WDR7: variants seen among roughly 807,000 people sequenced by gnomAD.
WDR7 encodes the protein WD repeat domain 7.
A neutral mutation model predicts 169.4 loss-of-function variants in WDR7; 46 were observed. The observed-to-expected ratio is 0.27, with a 90% confidence interval of 0.21 to 0.35. The LOEUF (loss-of-function observed/expected upper bound fraction) is 0.35, where lower values mean the gene tolerates loss of function less well. WDR7 is among the 10% of genes least tolerant of loss of function. WDR7 has a pLI of 1.00. For missense variants in WDR7, 1,534 were observed against 1,859.3 expected (o/e 0.83, Z 3.22); for synonymous variants, 612 against 666.8 (o/e 0.92, Z 1.27).
At chr18:56,713,467 G>T (rs909130186) in intron 12 of WDR7, among the ~76,000 whole-genome samples, 1 of 151,900 alleles carries the variant, frequency 6.6e-6, no homozygotes, top group Non-Finnish European at 1.5e-5. Context: ...ACAACTATTG[G>T]GAACACATTT....
chr18:56,873,649 T>C (rs1343330824), intron 20 of WDR7: 2 of 152,354 alleles, frequency 1.3e-5, no homozygotes, highest in Non-Finnish European at 2.9e-5. Context: ...TATTGATCAG[T>C]ATCCCTGCAG....
At chr18:57,007,444 G>T (rs1275217102) in intron 26 of WDR7, among the ~76,000 whole-genome samples, 1 of 152,090 alleles carries the variant, frequency 6.6e-6, no homozygotes, top group Admixed American at 6.5e-5. Flanking sequence ...AGAGTGTTTT[G>T]AGTTGGCAAG....
chr18:56,923,810 C>A, intron 21 of WDR7, 112 bp from the exon 22 acceptor site: 2 of 1,078,982 alleles, frequency 1.9e-6, no homozygotes, highest in East Asian at 2.9e-5. Flanking sequence ...GGTTCAATAC[C>A]TTTTTCAGTT....
At chr18:56,854,662 A>G (rs967163981) in intron 20 of WDR7, among the ~76,000 whole-genome samples, 8 of 152,162 alleles carry the variant, frequency 5.3e-5, no homozygotes, top group Non-Finnish European at 8.8e-5. Flanking sequence ...TGGCCTTTCT[A>G]TGTAGCGTTT....
At chr18:56,951,403 C>T (rs2047180761) in intron 25 of WDR7, among the ~76,000 whole-genome samples, 1 of 152,110 alleles carries the variant, frequency 6.6e-6, no homozygotes, top group Non-Finnish European at 1.5e-5. Context: ...ACACCCTCTT[C>T]CTCACCTTTG....
rs114556015 is a variant in WDR7 at position 56,771,125 on chromosome 18, T to C, written c.2849-5657T>C. Reference sequence around the variant, plus strand: ...TTAGGATAGGAATTTGTTTATGAAATGCAGTGTCCAGAAATACCAATACCA... The same window carrying C: ...TTAGGATAGGAATTTGTTTATGAAACGCAGTGTCCAGAAATACCAATACCA... On this transcript the variant is annotated intron_variant, in intron 16 of 27. Coordinates refer to ENST00000254442, the MANE Select transcript of WDR7 (RefSeq NM_015285.3). 1.2e-3 allele frequency among the ~76,000 whole-genome samples: 178 copies of C among 152,308 alleles called. 1 individual carries two copies. The highest frequency in any genetic ancestry group is 4.1e-3 in the African/African-American group (170 of 41,564).
intron 21 of WDR7, among the ~76,000 whole-genome samples, chr18:56,899,663 G>A (rs1016169642): frequency 5.9e-5 from 9 of 152,030 alleles, no homozygotes; most frequent in African/African-American, 2.2e-4. Flanking sequence ...TTAGATCCCA[G>A]TACAACATAC....
rs960184628 is a variant in WDR7 at position 56,931,510 on chromosome 18, C to T, written c.3714-4278C>T. Among the ~76,000 whole-genome samples the T allele has an allele frequency of 2.6e-5, 4 of 152,138 alleles. 1 individual carries two copies. On this transcript the variant is annotated intron_variant, in intron 22 of 27. Transcript: ENST00000254442. The stretch of plus-strand genomic sequence containing the variant: ...CTGAATTTGCCAGCTACTTCACTTA[C>T]TGTGTAACTGTGGAGCTACCACCAT...
intron 19 of WDR7, 62 bp from the exon 20 acceptor site, chr18:56,815,969 C>A (rs1055054800): frequency 7.3e-7 from 1 of 1,366,162 alleles, no homozygotes; most frequent in Non-Finnish European, 9.8e-7. Context: ...AATCTTCAAA[C>A]TTTCTGTTTG....
At chr18:56,809,268 C>A (rs928282804) in intron 19 of WDR7, among the ~76,000 whole-genome samples, 19 of 151,756 alleles carry the variant, frequency 1.3e-4, no homozygotes, top group Admixed American at 9.2e-4. Flanking sequence ...TCCTTATTTC[C>A]TTATTATTCT....
At chr18:56,761,805 T>C (rs1202223415) in intron 16 of WDR7, among the ~76,000 whole-genome samples, 3 of 152,160 alleles carry the variant, frequency 2.0e-5, no homozygotes, top group African/African-American at 7.2e-5. Flanking sequence ...TGTGCCCCAG[T>C]ATAGAAATGC....
intron 13 of WDR7, among the ~76,000 whole-genome samples, chr18:56,724,952 C>T (rs909311761): frequency 2.0e-5 from 3 of 151,984 alleles, no homozygotes; most frequent in Non-Finnish European, 2.9e-5. Context: ...TGGTTTCCAG[C>T]TTCATCCATG....
chr18:56,821,143 G>A (rs1170108196), intron 20 of WDR7, among the ~76,000 whole-genome samples: 1 of 152,092 alleles, frequency 6.6e-6, no homozygotes. Context: ...TCCTTGTGGA[G>A]CTTACATTTT....
At chr18:56,664,610 G>C (rs1275848154) in intron 1 of WDR7, among the ~76,000 whole-genome samples, 1 of 151,056 alleles carries the variant, frequency 6.6e-6, no homozygotes, top group Non-Finnish European at 1.5e-5. Context: ...TACAGCCCTT[G>C]GCACATAGTG....
At chr18:57,033,686 C>T (rs1159590411), downstream of WDR7, 2 of 151,828 alleles carry the variant, frequency 1.3e-5, no homozygotes, top group Non-Finnish European at 2.9e-5. Flanking sequence ...CCCAGGTCCT[C>T]CCACCCCCAC....
intron 19 of WDR7, among the ~76,000 whole-genome samples, chr18:56,797,087 A>G (rs2044597451): frequency 6.6e-6 from 1 of 152,174 alleles, no homozygotes; most frequent in Non-Finnish European, 1.5e-5. Context: ...AGCCAGGTGC[A>G]TCAGCTCTGC....
chr18:56,813,743 AT>A (rs536408468), intron 19 of WDR7, among the ~76,000 whole-genome samples: 2 of 149,980 alleles, frequency 1.3e-5, no homozygotes, highest in African/African-American at 2.5e-5. Flanking sequence ...TTTTCTTTGT[AT>A]TTTTTTTTCT....
At chr18:56,684,904 T>C (rs2025414958) in intron 5 of WDR7, among the ~76,000 whole-genome samples, 1 of 152,196 alleles carries the variant, frequency 6.6e-6, no homozygotes, top group African/African-American at 2.4e-5. Flanking sequence ...GCGTTAATTT[T>C]CCAGGCAATA....
At chr18:56,972,113 A>G (rs2047497345) in intron 26 of WDR7, among the ~76,000 whole-genome samples, 1 of 152,226 alleles carries the variant, frequency 6.6e-6, no homozygotes, top group Non-Finnish European at 1.5e-5. Flanking sequence ...CATTTAATGA[A>G]AATGAGCCAA....
Sources: allele counts gnomAD v4.1 joint callset (sites outside exome capture counted in the v4.1 genomes callset), GRCh38; gene constraint gnomAD v4.1.1; transcripts MANE v1.5; gene names NCBI Gene and HGNC (gene_info 2026-07-23, HGNC 2026-07-21).